CDH17: variants seen among roughly 807,000 people sequenced by gnomAD.
CDH17 encodes the protein cadherin 17, also known as cadherin-17.
CDH17 carries 67 observed loss-of-function variants against 86.3 expected under a neutral mutation model. That is an observed-to-expected ratio of 0.78 (90% CI 0.64 to 0.95). The LOEUF (loss-of-function observed/expected upper bound fraction) is 0.95. Ranked by LOEUF, CDH17 falls within the 40% of genes least tolerant of loss-of-function variation. The pLI is 0.00. For missense variants in CDH17, 993 were observed against 1,017.6 expected (o/e 0.98, Z 0.33); for synonymous variants, 367 against 366.4 (o/e 1.00, Z -0.02).
chr8:94,173,040 C>G (rs534763722), intron 7 of CDH17, among the ~76,000 whole-genome samples: 1 of 152,304 alleles, frequency 6.6e-6, no homozygotes, highest in South Asian at 2.1e-4. Context: ...ACCCCCAAAT[C>G]AAACCATGTC....
At chr8:94,200,150 G>C (rs1813876415) in intron 1 of CDH17, among the ~76,000 whole-genome samples, 2 of 152,126 alleles carry the variant, frequency 1.3e-5, no homozygotes, top group Non-Finnish European at 2.9e-5. Flanking sequence ...TGTCAAAAGA[G>C]GACTTTGGTC....
intron 1 of CDH17, among the ~76,000 whole-genome samples, chr8:94,201,396 C>T (rs1431534502): frequency 6.6e-5 from 10 of 152,084 alleles, no homozygotes; most frequent in East Asian, 3.9e-4. Flanking sequence ...ACAGAGGTAA[C>T]GAAGTTAAAA....
intron 4 of CDH17, 53 bp downstream of exon 4, chr8:94,177,534 A>C: frequency 6.3e-7 from 1 of 1,598,966 alleles, no homozygotes; most frequent in East Asian, 2.2e-5. Context: ...CTTCCAGAAC[A>C]AAGGGTGCTC....
chr8:94,210,226 T>TAAAAAAAAAAA (rs71567010), upstream of CDH17, among the ~76,000 whole-genome samples: 28 of 53,456 alleles, frequency 5.2e-4, no homozygotes, highest in African/African-American at 1.8e-3. Context: ...TTTATGCGAG[T>TAAAAAAAAAAA]AAAAAAAAAA....
chr8:94,132,205 G>A (rs923856809), intron 15 of CDH17, among the ~76,000 whole-genome samples: 9 of 152,196 alleles, frequency 5.9e-5, no homozygotes, highest in Admixed American at 6.5e-5. Context: ...TAATGGAATT[G>A]CTGGGTCAAA....
chr8:94,143,855 A>G (rs185936369), intron 15 of CDH17, among the ~76,000 whole-genome samples: 44 of 152,298 alleles, frequency 2.9e-4, no homozygotes, highest in African/African-American at 1.0e-3. Flanking sequence ...TGCTGTTTTA[A>G]TCTTCTATCC....
intron 3 of CDH17, among the ~76,000 whole-genome samples, chr8:94,181,372 A>G (rs1813482493): frequency 6.6e-6 from 1 of 152,224 alleles, no homozygotes; most frequent in African/African-American, 2.4e-5. Context: ...AGCCAGTCAC[A>G]TGGAACATTC....
At chr8:94,135,396 C>G (rs530709085) in intron 15 of CDH17, among the ~76,000 whole-genome samples, 2 of 152,190 alleles carry the variant, frequency 1.3e-5, no homozygotes, top group African/African-American at 4.8e-5. Flanking sequence ...GAATTGATCC[C>G]TTTACCATTA....
At chr8:94,155,445 C>A (rs1812928858) in intron 12 of CDH17, among the ~76,000 whole-genome samples, 1 of 152,048 alleles carries the variant, frequency 6.6e-6, no homozygotes, top group South Asian at 2.1e-4. Flanking sequence ...CCAGCAAAGT[C>A]CGGGCCCAGG....
At chr8:94,180,171 G>A (rs968476079) in intron 3 of CDH17, among the ~76,000 whole-genome samples, 1 of 152,016 alleles carries the variant, frequency 6.6e-6, no homozygotes, top group Non-Finnish European at 1.5e-5. Context: ...ATAAGAGGGT[G>A]TTCAAAAGCA....
At chr8:94,141,089 A>G (rs1263354329) in intron 15 of CDH17, among the ~76,000 whole-genome samples, 2 of 152,298 alleles carry the variant, frequency 1.3e-5, no homozygotes, top group East Asian at 3.9e-4. Flanking sequence ...AGCAAATCCA[A>G]CAATACATAA....
chr8:94,151,929 C>T lies in CDH17; in HGVS notation c.1735G>A (p.Val579Ile), dbSNP rs1415252985. 6.2e-6 allele frequency: 10 copies of T among 1,614,108 alleles called. No individual in the cohort carries two copies. The highest frequency in any genetic ancestry group is 8.5e-6 in the Non-Finnish European group (10 of 1,180,040). The change falls in exon 13 of 18, where the codon GTA becomes ATA. Residue 579 changes from valine to isoleucine, a missense_variant. By Grantham distance (29) the Val-to-Ile change is conservative. Coordinates refer to ENST00000027335, the MANE Select transcript of CDH17 (RefSeq NM_004063.4). ...TTGCCCACTTTAGTGCCTATAGCTA[C>T]ATCCTCACTGACTTTCGCTTGGAAT... is the stretch of plus-strand genomic sequence containing the variant. ...HVFQAKVSED[V>I]AIGTKVGNVT... is the part of the protein sequence containing the mutation.
chr8:94,144,238 C>A (rs186287208), intron 15 of CDH17, among the ~76,000 whole-genome samples: 3 of 152,246 alleles, frequency 2.0e-5, no homozygotes, highest in Admixed American at 2.0e-4. Context: ...GAACGTACGT[C>A]GACGTCGCAC....
At chr8:94,207,233 TTTC>T (rs1814046819) in intron 1 of CDH17, among the ~76,000 whole-genome samples, 1 of 152,244 alleles carries the variant, frequency 6.6e-6, no homozygotes, top group Non-Finnish European at 1.5e-5. Context: ...CACTGATTTT[TTTC>T]TTATTTTTCT....
In CDH17 at chr8:94,146,090, T is replaced by C. The variant is rs2130592236; in HGVS notation, c.2005A>G (p.Lys669Glu). The change falls in exon 15 of 18, where the codon AAG (lysine) becomes GAG (glutamate). Residue 669 changes from lysine to glutamate, a missense_variant. Physicochemically the swap from Lys to Glu is moderately conservative, Grantham distance 56. Transcript: ENST00000027335. ...CAGAAGAACAAGCCCGTGTAGTCCT[T>C]GGCTAGCCTGGGAGGGTTGTCATTC... ...DVNDNPPRLA[K>E]DYTGLFFCHP... is the part of the protein sequence containing the mutation. 1 of 1,613,094 alleles carries C rather than the reference T, an allele frequency of 6.2e-7. No individual in the cohort carries two copies. Among genetic ancestry groups the C allele is most frequent in the Non-Finnish European group, 8.5e-7 (1 of 1,179,604 alleles).
At position 94,131,057 on chromosome 8, in the gene CDH17, C is replaced by G. The variant is rs750428578; in HGVS notation, c.2168-65G>C. Reference sequence around the variant, plus strand: ...ACCCTGGATTAGCAGGAATAAAGCTCATTTTGTATCACATACTAAGGTTGA... The same window carrying G: ...ACCCTGGATTAGCAGGAATAAAGCTGATTTTGTATCACATACTAAGGTTGA... On this transcript the variant is annotated intron_variant, in intron 15 of 17. Coordinates refer to ENST00000027335, the MANE Select transcript of CDH17 (RefSeq NM_004063.4). The G allele has an allele frequency of 4.5e-5, 38 of 840,846 alleles. 1 individual carries two copies. Among genetic ancestry groups the G allele is most frequent in the Non-Finnish European group, 6.4e-5 (32 of 498,318 alleles). The allele number at this position is 840,846 out of a possible 1,614,324, so 52.1% of individuals were successfully genotyped here.
intron 11 of CDH17, among the ~76,000 whole-genome samples, chr8:94,161,530 A>C (rs1028694873): frequency 6.6e-6 from 1 of 152,094 alleles, no homozygotes; most frequent in East Asian, 1.9e-4. Context: ...GAAAACAGTA[A>C]TTTGCATTTT....
chr8:94,148,280 A>G (rs1293837315), intron 14 of CDH17, among the ~76,000 whole-genome samples: 1 of 152,094 alleles, frequency 6.6e-6, no homozygotes, highest in African/African-American at 2.4e-5. Flanking sequence ...GGTGGCTCAC[A>G]CCTGTAATCC....
chr8:94,210,627 T>C (rs1814108661), upstream of CDH17, among the ~76,000 whole-genome samples: 1 of 152,196 alleles, frequency 6.6e-6, no homozygotes, highest in Non-Finnish European at 1.5e-5. Flanking sequence ...GAGACATTGC[T>C]GGTTCAATAG....
Sources: gnomAD v4.1 joint callset for allele counts (sites outside exome capture counted in the v4.1 genomes callset) on GRCh38, gnomAD v4.1.1 for gene constraint, MANE v1.5 for transcripts, NCBI Gene and HGNC (gene_info 2026-07-23, HGNC 2026-07-21) for gene names.